WDR70: variants seen among roughly 807,000 people sequenced by gnomAD.
WDR70 encodes the protein WD repeat domain 70, also known as WD repeat-containing protein 70.
WDR70 carries 53 observed loss-of-function variants against 88.6 expected under a neutral mutation model. The observed-to-expected ratio is 0.60, with a 90% confidence interval of 0.48 to 0.75. The LOEUF is 0.75. Among genes scored for constraint, WDR70 ranks in the 30% least tolerant of loss-of-function variants. The pLI is 0.00. For synonymous variants in WDR70, 280 were observed against 270.0 expected (o/e 1.04, Z -0.36); for missense variants, 610 against 823.2 (o/e 0.74, Z 3.17).
At chr5:37,636,221 CA>C (rs34743129) in intron 10 of WDR70, among the ~76,000 whole-genome samples, 64,001 of 152,010 alleles carry the variant, frequency 0.42, 15,262 homozygotes, top group Non-Finnish European at 0.54. Context: ...ATGACCGAAT[CA>C]GGGGCAAGTC....
intron 10 of WDR70, among the ~76,000 whole-genome samples, chr5:37,621,158 A>T (rs927484148): frequency 6.6e-6 from 1 of 152,126 alleles, no homozygotes; most frequent in East Asian, 1.9e-4. Flanking sequence ...TCTCATCTAT[A>T]CCAATCCAGT....
chr5:37,465,929 A>G (rs1348765162), intron 7 of WDR70, among the ~76,000 whole-genome samples: 1 of 151,772 alleles, frequency 6.6e-6, no homozygotes, highest in African/African-American at 2.4e-5. Flanking sequence ...AATAATCTCT[A>G]TTTAATGTGT....
chr5:37,476,493 G>A (rs1383491204), intron 7 of WDR70, among the ~76,000 whole-genome samples: 1 of 152,044 alleles, frequency 6.6e-6, no homozygotes, highest in Admixed American at 6.5e-5. Flanking sequence ...TGCAAGTTTT[G>A]CATCCTGTGA....
At chr5:37,438,025 C>T in intron 6 of WDR70, 44 bp downstream of exon 6, 5 of 1,535,512 alleles carry the variant, frequency 3.3e-6, no homozygotes, top group Non-Finnish European at 4.4e-6. Context: ...AATTACAGGG[C>T]TGTCATGGAA....
At chr5:37,748,316 A>G (rs1326096431) in intron 17 of WDR70, among the ~76,000 whole-genome samples, 4 of 152,212 alleles carry the variant, frequency 2.6e-5, no homozygotes, top group African/African-American at 9.7e-5. Flanking sequence ...CTACACATCT[A>G]CAACCATCTG....
At chr5:37,593,766 A>G (rs1215986136) in intron 9 of WDR70, among the ~76,000 whole-genome samples, 1 of 152,232 alleles carries the variant, frequency 6.6e-6, no homozygotes, top group Non-Finnish European at 1.5e-5. Context: ...GGTCCCACCA[A>G]CAGTGTAAAA....
At chr5:37,430,990 A>C (rs541572468) in intron 5 of WDR70, among the ~76,000 whole-genome samples, 7 of 152,080 alleles carry the variant, frequency 4.6e-5, no homozygotes, top group African/African-American at 1.4e-4. Context: ...GGTAGCTGGG[A>C]CTACAGGCTT....
At chr5:37,748,630 TTA>T (rs1475497116) in intron 17 of WDR70, among the ~76,000 whole-genome samples, 1 of 152,094 alleles carries the variant, frequency 6.6e-6, no homozygotes, top group Non-Finnish European at 1.5e-5. Flanking sequence ...CTAATTAAAC[TTA>T]GAGAGCTTCT....
At chr5:37,643,403 G>C (rs1745155478) in intron 10 of WDR70, among the ~76,000 whole-genome samples, 1 of 151,900 alleles carries the variant, frequency 6.6e-6, no homozygotes, top group African/African-American at 2.4e-5. Context: ...AGTGTAATTT[G>C]ACATCAGATA....
At position 37,721,145 on chromosome 5, in the gene WDR70, C is replaced by A. The variant is rs770666576; in HGVS notation, c.1447C>A (p.Leu483Met). 4 of 1,613,744 alleles carry A rather than the reference C, an allele frequency of 2.5e-6. No homozygotes were observed. Among genetic ancestry groups the A allele is most frequent in the Non-Finnish European group, 3.4e-6 (4 of 1,179,754 alleles). ...SVVRCLWHPKLNQIMVGTGNG... is the reference protein window; with the variant it reads ...SVVRCLWHPKMNQIMVGTGNG... ...TGTTCGCTGCCTGTGGCATCCAAAG[C>A]TGAACCAGATCATGGTTGGAACTGG... is the stretch of plus-strand genomic sequence containing the variant. Residue 483 changes from leucine to methionine, a missense_variant, in exon 14 of 18, where the codon CTG (leucine) becomes ATG (methionine). This residue lies in a region of WDR70 where 254 missense variants were observed against 300.7 expected (regional missense o/e 0.84). Transcript: ENST00000265107.
At chr5:37,382,568 C>A (rs565414150) in intron 3 of WDR70, among the ~76,000 whole-genome samples, 1 of 151,992 alleles carries the variant, frequency 6.6e-6, no homozygotes, top group African/African-American at 2.4e-5. Flanking sequence ...TACGCCACCA[C>A]GCCCAGCTAA....
chr5:37,405,595 A>G (rs977123610), intron 5 of WDR70, among the ~76,000 whole-genome samples: 1 of 152,188 alleles, frequency 6.6e-6, no homozygotes, highest in African/African-American at 2.4e-5. Context: ...TTGGTGCTAT[A>G]AACAGTTAAT....
At chr5:37,413,996 T>G (rs1749608716) in intron 5 of WDR70, among the ~76,000 whole-genome samples, 1 of 151,490 alleles carries the variant, frequency 6.6e-6, no homozygotes, top group Non-Finnish European at 1.5e-5. Flanking sequence ...AAATACAAAA[T>G]TAGCCAGGCG....
chr5:37,486,581 G>A (rs1739880534), intron 8 of WDR70, among the ~76,000 whole-genome samples: 1 of 152,140 alleles, frequency 6.6e-6, no homozygotes, highest in African/African-American at 2.4e-5. Context: ...CTGACCTCAT[G>A]TGATCCGCCT....
At position 37,558,835 on chromosome 5, in the gene WDR70, A is replaced by C. The variant is rs560963497; in HGVS notation, c.917+42245A>C. On this transcript the variant is annotated intron_variant, in intron 9 of 17. Coordinates refer to ENST00000265107, the MANE Select transcript of WDR70 (RefSeq NM_018034.4). ...AGCCTAGTTTTGTTGTCCTTTTCTTACTTATTCCCATCCTTACCTCTTTCC... is the reference window on the plus strand; with the variant it reads ...AGCCTAGTTTTGTTGTCCTTTTCTTCCTTATTCCCATCCTTACCTCTTTCC... 3.9e-5 allele frequency among the ~76,000 whole-genome samples: 6 copies of C among 151,918 alleles called. No individual in the cohort carries two copies. The South Asian group carries it at 1.2e-3, about 32-fold the overall frequency.
At chr5:37,523,440 TAACA>T (rs1385714888) in intron 9 of WDR70, among the ~76,000 whole-genome samples, 4 of 152,248 alleles carry the variant, frequency 2.6e-5, no homozygotes, top group Admixed American at 2.6e-4. Context: ...GAGGGAAAAC[TAACA>T]AACAGAAAGG....
intron 17 of WDR70, among the ~76,000 whole-genome samples, chr5:37,745,761 G>GC (rs982659559): frequency 1.5e-4 from 23 of 152,226 alleles, no homozygotes; most frequent in Middle Eastern, 6.8e-3. Context: ...CAATACAGGA[G>GC]CACCCACATT....
intron 10 of WDR70, among the ~76,000 whole-genome samples, chr5:37,646,524 T>A (rs567787359): frequency 7.9e-5 from 12 of 152,314 alleles, no homozygotes; most frequent in Non-Finnish European, 1.8e-4. Flanking sequence ...AATAATCCTT[T>A]AGCATTTCAT....
chr5:37,510,722 A>G (rs1396732680), intron 8 of WDR70, among the ~76,000 whole-genome samples: 6 of 152,230 alleles, frequency 3.9e-5, no homozygotes, highest in Non-Finnish European at 1.5e-5. Flanking sequence ...TCTGATCAAG[A>G]TCACACATTG....
Sources: gnomAD v4.1 joint callset for allele counts (sites outside exome capture counted in the v4.1 genomes callset) on GRCh38, gnomAD v4.1.1 for gene constraint, gnomAD v4.1.1 regional missense constraint, MANE v1.5 for transcripts, NCBI Gene and HGNC (gene_info 2026-07-23, HGNC 2026-07-21) for gene names.